The following ME2 variants were observed in gnomAD, a reference collection of about 807,000 sequenced individuals.
ME2 encodes the protein NAD-dependent malic enzyme, mitochondrial.
In ME2, 60 loss-of-function variants were observed where a neutral mutation model predicts 73.7. The ratio of observed to expected loss-of-function variants is 0.81; its 90% CI spans 0.66 to 1.01. ME2 has a LOEUF of 1.01. ME2 is among the 50% of genes least tolerant of loss of function. The pLI is 0.00. For missense variants in ME2, 594 were observed against 705.5 expected, an observed-to-expected ratio of 0.84 and a Z score of 1.79; for synonymous variants, 199 against 236.9, an observed-to-expected ratio of 0.84 and a Z score of 1.47.
intron 13 of ME2, among the ~76,000 whole-genome samples, chr18:50,936,783 T>C (rs1225115437): frequency 6.6e-6 from 1 of 152,042 alleles, no homozygotes; most frequent in African/African-American, 2.4e-5. Flanking sequence ...AAAATTTAAC[T>C]AGCCAGGTGT....
Position 50,953,092 on chromosome 18 carries a change from CTT to C in ME2, c.*5925_*5926del, listed in dbSNP as rs558021689. The stretch of plus-strand genomic sequence containing the variant: ...CTTCAGATGAGAATTCTCACTTATT[CTT>C]TTTTTTTTTTTTTTTTCTTTTCTTT... On this transcript the variant is annotated 3_prime_UTR_variant, in exon 16 of 16. Transcript: ENST00000321341. The C allele has an allele frequency of 4.4e-3, 588 of 133,512 alleles. 7 individuals carry two copies. In the East Asian group the frequency reaches 0.059, roughly 13 times the overall value. 8.3% of individuals were successfully genotyped at this position (133,512 alleles called of 1,614,324 possible).
At chr18:50,939,757 T>A in intron 14 of ME2, 117 bp downstream of exon 14, 1 of 646,992 alleles carries the variant, frequency 1.5e-6, no homozygotes, top group Non-Finnish European at 2.6e-6. Flanking sequence ...AAAAGGAAGT[T>A]ACTCAAATTA....
intron 7 of ME2, 61 bp downstream of exon 7, chr18:50,918,274 C>G: frequency 9.1e-7 from 1 of 1,099,742 alleles, no homozygotes; most frequent in Non-Finnish European, 1.3e-6. Context: ...GGGTAAGAAC[C>G]AAAGTTTTGT....
chr18:50,927,751 T>TATATATAC (rs1316314513), intron 12 of ME2, among the ~76,000 whole-genome samples: 1,721 of 123,076 alleles, frequency 0.014, 13 homozygotes, highest in East Asian at 0.019. Flanking sequence ...TATATATATA[T>TATATATAC]ACACACCACA....
intron 12 of ME2, among the ~76,000 whole-genome samples, chr18:50,929,961 A>T (rs1412198748): frequency 6.6e-6 from 1 of 152,230 alleles, no homozygotes; most frequent in Non-Finnish European, 1.5e-5. Flanking sequence ...TAATAAATGT[A>T]CTTTATTGGA....
intron 13 of ME2, 111 bp from the exon 14 acceptor site, chr18:50,939,459 G>T: frequency 3.2e-6 from 2 of 626,920 alleles, no homozygotes; most frequent in Non-Finnish European, 5.8e-6. Flanking sequence ...CTGTTTGGGG[G>T]GAGCTGTTTG....
chr18:50,890,866 TGGA>T (rs1916591901), intron 1 of ME2, among the ~76,000 whole-genome samples: 1 of 152,216 alleles, frequency 6.6e-6, no homozygotes, highest in South Asian at 2.1e-4. Flanking sequence ...CGACTACGTC[TGGA>T]GGACCCAACC....
intron 1 of ME2, among the ~76,000 whole-genome samples, chr18:50,889,473 G>T (rs976853265): frequency 6.6e-6 from 1 of 152,108 alleles, no homozygotes; most frequent in African/African-American, 2.4e-5. Context: ...CCAATGCCTT[G>T]CCCTCTACAT....
intron 2 of ME2, among the ~76,000 whole-genome samples, chr18:50,900,804 G>A (rs911676956): frequency 3.3e-5 from 5 of 152,052 alleles, no homozygotes; most frequent in Non-Finnish European, 7.4e-5. Context: ...TTCCCCCTTC[G>A]CTCAGCACTC....
intron 2 of ME2, among the ~76,000 whole-genome samples, chr18:50,900,517 C>T (rs900456557): frequency 2.0e-5 from 3 of 151,764 alleles, no homozygotes; most frequent in South Asian, 2.1e-4. Flanking sequence ...CTGCTGACCT[C>T]GTGATCTGCC....
intron 12 of ME2, among the ~76,000 whole-genome samples, chr18:50,929,257 C>T (rs1456349878): frequency 6.6e-6 from 1 of 150,976 alleles, no homozygotes; most frequent in Non-Finnish European, 1.5e-5. Context: ...GGTGGGCAGA[C>T]CACTTGAGGC....
At chr18:50,881,513 G>A (rs947401719) in intron 1 of ME2, among the ~76,000 whole-genome samples, 35 of 152,082 alleles carry the variant, frequency 2.3e-4, no homozygotes, top group African/African-American at 8.2e-4. Flanking sequence ...GTGGCATATT[G>A]TACCTCCTTT....
Position 50,951,547 on chromosome 18 carries a change from C to CTTTTTTTTTTTTTTTTTTTT in ME2, c.*4380_*4381insTTTTTTTTTTTTTTTTTTTT, listed in dbSNP as rs36058911. 7.3e-6 allele frequency: 1 copy of CTTTTTTTTTTTTTTTTTTTT among 136,122 alleles called. No homozygotes were observed. The allele number at this position is 136,122 out of a possible 1,614,324, so 8.4% of individuals were successfully genotyped here. A position where few individuals can be genotyped will look rare whatever the true frequency, so the allele number is the denominator to read the frequency against. ...TCTCTTCTTTGACGTGTTACGTTGT[C>CTTTTTTTTTTTTTTTTTTTT]TTTTTTTTTTTTTTTTTAACTTCTT... On this transcript the variant is annotated 3_prime_UTR_variant, in exon 16 of 16. Transcript: ENST00000321341.
At chr18:50,909,114 C>T (rs558429356) in intron 3 of ME2, among the ~76,000 whole-genome samples, 71 of 151,956 alleles carry the variant, frequency 4.7e-4, no homozygotes, top group African/African-American at 1.7e-3. Flanking sequence ...CCACCACACC[C>T]GGCTAATTTT....
At chr18:50,895,641 A>C (rs565379056) in intron 1 of ME2, among the ~76,000 whole-genome samples, 168 bp from the exon 2 acceptor site, 1 of 152,344 alleles carries the variant, frequency 6.6e-6, no homozygotes, top group African/African-American at 2.4e-5. Context: ...TCCCAAGAAC[A>C]TAAGAGTGTT....
At chr18:50,944,335 GCGTTTCC>G (rs1479649472) in intron 15 of ME2, among the ~76,000 whole-genome samples, 1 of 152,168 alleles carries the variant, frequency 6.6e-6, no homozygotes, top group Non-Finnish European at 1.5e-5. Context: ...TCATGTCTCT[GCGTTTCC>G]CCAGAGGCAG....
At chr18:50,918,055 G>T (rs1555677421) in intron 6 of ME2, 55 bp from the exon 7 acceptor site, 13 of 1,120,738 alleles carry the variant, frequency 1.2e-5, no homozygotes, top group Non-Finnish European at 1.5e-5. Flanking sequence ...TTTATTGTAT[G>T]TGTTTAAACT....
intron 13 of ME2, chr18:50,933,663 T>A (rs1269941015): frequency 6.6e-6 from 1 of 152,198 alleles, no homozygotes; most frequent in East Asian, 1.9e-4. Flanking sequence ...GCTATTTTTT[T>A]AAACTTTTTT....
intron 13 of ME2, 169 bp downstream of exon 13, chr18:50,932,529 C>T (rs1002688448): frequency 5.8e-5 from 26 of 446,710 alleles, no homozygotes; most frequent in South Asian, 3.0e-4. Context: ...TCCACTTTCT[C>T]TGAAAATTTA....
Sources: gnomAD v4.1 joint callset for allele counts (sites outside exome capture counted in the v4.1 genomes callset) on GRCh38, gnomAD v4.1.1 for gene constraint, MANE v1.5 for transcripts, NCBI Gene and HGNC (gene_info 2026-07-23, HGNC 2026-07-21) for gene names.